Variants in FGD4 observed in about 807,000 individuals in gnomAD.
FGD4 encodes the protein FYVE, RhoGEF and PH domain-containing protein 4.
In FGD4, 42 loss-of-function variants were observed where a neutral mutation model predicts 102.0. That is an observed-to-expected ratio of 0.41 (90% CI 0.32 to 0.53). The LOEUF is 0.53. Among genes scored for constraint, FGD4 ranks in the 20% least tolerant of loss-of-function variants. FGD4 has a pLI of 0.21. For synonymous variants in FGD4, 380 were observed against 375.7 expected (o/e 1.01, Z -0.13); for missense variants, 902 against 1,078.2 (o/e 0.84, Z 2.29).
At chr12:32,553,173 G>A (rs1252926061) in intron 1 of FGD4, among the ~76,000 whole-genome samples, 6 of 152,022 alleles carry the variant, frequency 3.9e-5, no homozygotes, top group Non-Finnish European at 7.4e-5. Flanking sequence ...TGGTGGAGCA[G>A]AGTGTTGGAC....
At chr12:32,424,780 G>C (rs1941773529) in intron 1 of FGD4, among the ~76,000 whole-genome samples, 2 of 152,136 alleles carry the variant, frequency 1.3e-5, no homozygotes, top group African/African-American at 4.8e-5. Context: ...GTGTGAGATG[G>C]TATCTCACTG....
intron 14 of FGD4, among the ~76,000 whole-genome samples, chr12:32,631,585 A>G (rs1490316745): frequency 1.3e-5 from 2 of 149,250 alleles, no homozygotes; most frequent in Non-Finnish European, 3.0e-5. Context: ...GCTCACTGCA[A>G]CCTCCACCTG....
chr12:32,565,402 C>G lies in FGD4; in HGVS notation c.319+1113C>G, dbSNP rs376923902. Among the ~76,000 whole-genome samples, 10 of 152,290 alleles carry G rather than the reference C, an allele frequency of 6.6e-5. 1 individual carries two copies. The highest frequency in any genetic ancestry group is 1.3e-4 in the Admixed American group (2 of 15,290). ...CCATTTCTTTTGACTACACTGCTCC[C>G]TTATAGCATTGACGTGAATATAAAC... On this transcript the variant is annotated intron_variant, in intron 2 of 16. Transcript: ENST00000534526.
chr12:32,471,940 TG>T (rs1943425520), intron 1 of FGD4, among the ~76,000 whole-genome samples: 1 of 152,196 alleles, frequency 6.6e-6, no homozygotes, highest in South Asian at 2.1e-4. Flanking sequence ...CCTAGACATG[TG>T]GTTCATTGGG....
intron 1 of FGD4, among the ~76,000 whole-genome samples, chr12:32,402,837 T>C (rs1241051254): frequency 6.6e-6 from 1 of 152,074 alleles, no homozygotes; most frequent in Non-Finnish European, 1.5e-5. Context: ...TTTTGAGAAG[T>C]AGTCTCAAAC....
chr12:32,562,291 T>A (rs932457559), intron 1 of FGD4, among the ~76,000 whole-genome samples: 20 of 152,178 alleles, frequency 1.3e-4, no homozygotes, highest in African/African-American at 4.8e-4. Context: ...CTAAAGCACA[T>A]GGAATGAGAT....
At chr12:32,495,467 C>T (rs541688392) in intron 1 of FGD4, among the ~76,000 whole-genome samples, 89 of 152,150 alleles carry the variant, frequency 5.8e-4, no homozygotes, top group African/African-American at 2.0e-3. Context: ...GAGGCTGAGG[C>T]GGGCAGATCA....
intron 1 of FGD4, among the ~76,000 whole-genome samples, chr12:32,551,604 C>T (rs988984955): frequency 4.6e-5 from 7 of 152,110 alleles, no homozygotes; most frequent in Non-Finnish European, 8.8e-5. Context: ...TGCTGTAGAA[C>T]TGTATTTAGT....
At chr12:32,600,443 A>G in intron 5 of FGD4, 1 of 1,288,204 alleles carries the variant, frequency 7.8e-7, no homozygotes, top group Non-Finnish European at 1.0e-6. Context: ...GAAAATTAAC[A>G]ACCATCTGGA....
intron 15 of FGD4, chr12:32,637,726 A>C (rs1487949896): frequency 6.6e-6 from 1 of 152,336 alleles, no homozygotes; most frequent in Non-Finnish European, 1.5e-5. Flanking sequence ...CATGGTGGCA[A>C]GCGAGAGTGA....
intron 1 of FGD4, among the ~76,000 whole-genome samples, chr12:32,474,298 C>G (rs1388077786): frequency 6.6e-6 from 1 of 152,130 alleles, no homozygotes. Context: ...AAACCTTGTA[C>G]ATGAATGTTT....
At chr12:32,430,085 A>G in intron 1 of FGD4, among the ~76,000 whole-genome samples, 1 of 152,222 alleles carries the variant, frequency 6.6e-6, no homozygotes, top group East Asian at 1.9e-4. Flanking sequence ...AGGCAGGCAG[A>G]TCACCTGAGG....
At chr12:32,576,768 G>A (rs1261891883) in intron 3 of FGD4, among the ~76,000 whole-genome samples, 3 of 152,084 alleles carry the variant, frequency 2.0e-5, no homozygotes, top group Non-Finnish European at 2.9e-5. Context: ...CTCCTTGTGG[G>A]TCATTCTGTG....
intron 3 of FGD4, among the ~76,000 whole-genome samples, chr12:32,578,180 A>G (rs978533200): frequency 6.6e-6 from 1 of 152,126 alleles, no homozygotes; most frequent in African/African-American, 2.4e-5. Context: ...CAAATTGGGT[A>G]TAGTGTGTTT....
Position 32,519,801 on chromosome 12 carries a change from G to C in FGD4, c.167-44336G>C, listed in dbSNP as rs566340448. Among the ~76,000 whole-genome samples the C allele has an allele frequency of 2.0e-3, 309 of 152,172 alleles. 2 individuals carry two copies. The highest frequency in any genetic ancestry group is 7.2e-3 in the African/African-American group (298 of 41,508). The stretch of plus-strand genomic sequence containing the variant: ...AAAAAAGAAAAAAATACAAAAAGTA[G>C]CTGGGCGTGGTGGTGTGCACTTGTA... On this transcript the variant is annotated intron_variant, in intron 1 of 16. Coordinates refer to ENST00000534526, the MANE Select transcript of FGD4 (RefSeq NM_001370298.3).
At chr12:32,564,032 G>GGAGA in intron 1 of FGD4, 105 bp from the exon 2 acceptor site, 1 of 1,018,836 alleles carries the variant, frequency 9.8e-7, no homozygotes, top group South Asian at 1.7e-5. Flanking sequence ...GGAGAGGGAG[G>GGAGA]GGGAGGGGGA....
intron 1 of FGD4, among the ~76,000 whole-genome samples, chr12:32,445,861 A>G (rs990056334): frequency 7.2e-5 from 11 of 152,196 alleles, no homozygotes; most frequent in African/African-American, 2.7e-4. Flanking sequence ...CTTCATTTGT[A>G]GCTAATTTAA....
chr12:32,584,414 A>G (rs1017988304), intron 4 of FGD4, among the ~76,000 whole-genome samples: 1 of 152,220 alleles, frequency 6.6e-6, no homozygotes, highest in African/African-American at 2.4e-5. Context: ...AGAAATTAAT[A>G]AAAATGTCAA....
At chr12:32,404,624 T>A (rs1052560308) in intron 1 of FGD4, among the ~76,000 whole-genome samples, 2 of 152,166 alleles carry the variant, frequency 1.3e-5, no homozygotes, top group Admixed American at 1.3e-4. Context: ...GTTCTTAAGG[T>A]TTTCCAGGGC....
Sources: gnomAD v4.1 joint callset for allele counts (sites outside exome capture counted in the v4.1 genomes callset) on GRCh38, gnomAD v4.1.1 for gene constraint, MANE v1.5 for transcripts, NCBI Gene and HGNC (gene_info 2026-07-23, HGNC 2026-07-21) for gene names.